NR3C2: variants seen among roughly 807,000 people sequenced by gnomAD.
NR3C2 encodes mineralocorticoid receptor.
Under a neutral mutation model 86.4 loss-of-function variants are expected in NR3C2, and 15 were observed. The ratio of observed to expected loss-of-function variants is 0.17; its 90% CI spans 0.12 to 0.27. The LOEUF (loss-of-function observed/expected upper bound fraction) is 0.27. Ranked by LOEUF, NR3C2 falls within the 10% of genes least tolerant of loss-of-function variation. The pLI is 1.00. For missense variants in NR3C2, 960 were observed against 1,195.6 expected (o/e 0.80, Z 2.91); for synonymous variants, 458 against 450.5 (o/e 1.02, Z -0.21).
intron 4 of NR3C2, among the ~76,000 whole-genome samples, chr4:148,176,477 A>T (rs1286368394): frequency 1.3e-5 from 2 of 152,220 alleles, no homozygotes; most frequent in Non-Finnish European, 2.9e-5. Context: ...CCACCAATGT[A>T]GTGAGGGACA....
chr4:148,335,989 G>A (rs1399601424), intron 2 of NR3C2, among the ~76,000 whole-genome samples: 1 of 152,178 alleles, frequency 6.6e-6, no homozygotes, highest in Admixed American at 6.6e-5. Context: ...AACGTATGAA[G>A]TTATTGATTT....
At chr4:148,339,844 A>C (rs1744667234) in intron 2 of NR3C2, among the ~76,000 whole-genome samples, 1 of 152,170 alleles carries the variant, frequency 6.6e-6, no homozygotes, top group African/African-American at 2.4e-5. Flanking sequence ...AAATGAATTC[A>C]GTAAAGTTGC....
At chr4:148,299,294 T>G (rs1299290508) in intron 2 of NR3C2, among the ~76,000 whole-genome samples, 1 of 152,106 alleles carries the variant, frequency 6.6e-6, no homozygotes, top group Non-Finnish European at 1.5e-5. Flanking sequence ...ACAAAAAATC[T>G]TTTCCCCTTT....
At chr4:148,138,364 T>G (rs934393792) in intron 6 of NR3C2, among the ~76,000 whole-genome samples, 5 of 152,198 alleles carry the variant, frequency 3.3e-5, no homozygotes, top group Admixed American at 6.5e-5. Context: ...GTGTTGTTCA[T>G]ATATTGGGTA....
At chr4:148,118,851 T>C (rs1344716839) in intron 7 of NR3C2, among the ~76,000 whole-genome samples, 4 of 152,140 alleles carry the variant, frequency 2.6e-5, no homozygotes, top group African/African-American at 9.7e-5. Context: ...CTCTACAATG[T>C]TTCTGGACTC....
At chr4:148,120,729 A>G (rs912051791) in intron 6 of NR3C2, among the ~76,000 whole-genome samples, 1 of 152,202 alleles carries the variant, frequency 6.6e-6, no homozygotes, top group African/African-American at 2.4e-5. Flanking sequence ...GATGGGGATG[A>G]CCAATCTTAT....
chr4:148,425,862 T>G (rs1324502601), intron 2 of NR3C2, among the ~76,000 whole-genome samples: 1 of 152,218 alleles, frequency 6.6e-6, no homozygotes, highest in East Asian at 1.9e-4. Flanking sequence ...TCACGAATAC[T>G]GTCTCCGTCT....
At chr4:148,112,781 T>C (rs1732100409) in intron 8 of NR3C2, among the ~76,000 whole-genome samples, 1 of 152,206 alleles carries the variant, frequency 6.6e-6, no homozygotes, top group Admixed American at 6.5e-5. Flanking sequence ...TGCCATTAGT[T>C]ACCACAGAGA....
At chr4:148,357,277 T>C (rs61761539) in intron 2 of NR3C2, among the ~76,000 whole-genome samples, 1 of 152,166 alleles carries the variant, frequency 6.6e-6, no homozygotes, top group Non-Finnish European at 1.5e-5. Context: ...CCTTTAAAAT[T>C]AGAATCCATT....
At chr4:148,344,358 T>C (rs1315569691) in intron 2 of NR3C2, among the ~76,000 whole-genome samples, 2 of 152,136 alleles carry the variant, frequency 1.3e-5, no homozygotes, top group East Asian at 1.9e-4. Context: ...CTAAACAACA[T>C]AGAGACAGGA....
chr4:148,233,630 A>G (rs1450963243), intron 3 of NR3C2, among the ~76,000 whole-genome samples: 1 of 151,992 alleles, frequency 6.6e-6, no homozygotes, highest in African/African-American at 2.4e-5. Flanking sequence ...AAAGAGCTCA[A>G]CTCAATTGGG....
At chr4:148,364,698 A>G (rs547127940) in intron 2 of NR3C2, among the ~76,000 whole-genome samples, 9 of 152,290 alleles carry the variant, frequency 5.9e-5, no homozygotes, top group African/African-American at 2.2e-4. Context: ...TGATGGGTGT[A>G]GTCATCATGT....
chr4:148,137,750 A>G (rs1045433974), intron 6 of NR3C2, among the ~76,000 whole-genome samples: 1 of 152,116 alleles, frequency 6.6e-6, no homozygotes, highest in Admixed American at 6.5e-5. Flanking sequence ...CTTTTTTCCA[A>G]CTAAGTATCT....
chr4:148,444,684 G>C (rs951297314), upstream of NR3C2: 12 of 985,408 alleles, frequency 1.2e-5, no homozygotes, highest in Non-Finnish European at 1.2e-5. Flanking sequence ...CCCTGCTGAC[G>C]GTGGGTAGAG....
chr4:148,130,809 G>GTTTTTTTTTTTTTTTTT (rs1326806513), intron 6 of NR3C2, among the ~76,000 whole-genome samples: 1 of 52,188 alleles, frequency 1.9e-5, no homozygotes, highest in African/African-American at 4.9e-5. Context: ...GTTTTGTTTT[G>GTTTTTTTTTTTTTTTTT]TTTTGTTTTG....
intron 2 of NR3C2, among the ~76,000 whole-genome samples, chr4:148,409,911 T>G (rs1394401018): frequency 6.6e-6 from 1 of 152,084 alleles, no homozygotes; most frequent in Admixed American, 6.5e-5. Flanking sequence ...TACACATAAT[T>G]GAAAATTGGA....
At chr4:148,337,859 G>C (rs928639162) in intron 2 of NR3C2, among the ~76,000 whole-genome samples, 1 of 152,098 alleles carries the variant, frequency 6.6e-6, no homozygotes, top group African/African-American at 2.4e-5. Flanking sequence ...TTTTGGGAAA[G>C]GACGTAGAAT....
intron 2 of NR3C2, among the ~76,000 whole-genome samples, chr4:148,357,193 T>C (rs1349524546): frequency 6.6e-6 from 1 of 152,116 alleles, no homozygotes; most frequent in Non-Finnish European, 1.5e-5. Context: ...GCAAATACTT[T>C]TGAATCAAAA....
chr4:148,273,299 T>C (rs1437313714), intron 2 of NR3C2, among the ~76,000 whole-genome samples: 1 of 152,244 alleles, frequency 6.6e-6, no homozygotes, highest in African/African-American at 2.4e-5. Context: ...GATGAAGATT[T>C]TGAAATCTAT....
Sources: gnomAD v4.1 joint callset for allele counts (sites outside exome capture counted in the v4.1 genomes callset) on GRCh38, gnomAD v4.1.1 for gene constraint, MANE v1.5 for transcripts, NCBI Gene and HGNC (gene_info 2026-07-23, HGNC 2026-07-21) for gene names.